The following SECISBP2L variants were observed in gnomAD, a reference collection of about 807,000 sequenced individuals.
SECISBP2L encodes SECIS binding protein 2 like, also known as selenocysteine insertion sequence-binding protein 2-like.
Under a neutral mutation model 114.7 loss-of-function variants are expected in SECISBP2L, and 43 were observed. That is an observed-to-expected ratio of 0.38 (90% confidence interval 0.29 to 0.48). SECISBP2L has a LOEUF of 0.48. Among genes scored for constraint, SECISBP2L ranks in the 20% least tolerant of loss-of-function variants. SECISBP2L has a pLI of 0.98. For missense variants in SECISBP2L, 1,136 were observed against 1,301.1 expected (o/e 0.87, Z 1.95); for synonymous variants, 451 against 439.7 (o/e 1.03, Z -0.32).
In SECISBP2L at chr15:49,027,448, C is replaced by T. The variant is rs750069773; in HGVS notation, c.952G>A (p.Ala318Thr). The T allele has an allele frequency of 4.2e-5, 67 of 1,608,138 alleles. 1 individual carries two copies. The Middle Eastern group carries it at 1.8e-3, about 44-fold the overall frequency. ...TCCATCCAAGGTTTTTTCTGAGTTG[C>T]CTGGCAAGTTACATTGGACCAATTT... ...GVNWSNVTCQ[A>T]TQKKPWMEKN... Residue 318 changes from alanine (A) to threonine (T), a missense_variant, in exon 7 of 18, where the codon GCA (alanine) becomes ACA (threonine). Physicochemically the swap from Ala to Thr is moderately conservative, Grantham distance 58. This residue lies in a region of SECISBP2L where 452 missense variants were observed against 452.3 expected (regional missense o/e 1.00). Transcript: ENST00000559471.
chr15:49,012,596 T>TA (rs1267704594), intron 12 of SECISBP2L, 52 bp downstream of exon 12: 27 of 1,580,870 alleles, frequency 1.7e-5, no homozygotes, highest in Non-Finnish European at 2.3e-5. Context: ...CAAAACAGAT[T>TA]AAAATCCTTA....
intron 14 of SECISBP2L, among the ~76,000 whole-genome samples, chr15:49,007,409 C>A (rs1361237287): frequency 2.0e-5 from 3 of 152,210 alleles, no homozygotes; most frequent in Admixed American, 6.5e-5. Context: ...GCCCCTTCCC[C>A]AAGATGCTCT....
chr15:49,042,580 A>C (rs1351854307), intron 1 of SECISBP2L: 1 of 152,320 alleles, frequency 6.6e-6, no homozygotes, highest in Non-Finnish European at 1.5e-5. Flanking sequence ...GGTAGGGTCA[A>C]GCGATGCCCC....
At chr15:48,993,073 T>C in intron 17 of SECISBP2L, 147 bp from the exon 18 acceptor site, 1 of 678,914 alleles carries the variant, frequency 1.5e-6, no homozygotes, top group Admixed American at 2.9e-5. Flanking sequence ...ATTTAGTTTA[T>C]TTAGTACTAG....
At chr15:49,020,482 G>C (rs1372241223) in intron 7 of SECISBP2L, among the ~76,000 whole-genome samples, 1 of 151,990 alleles carries the variant, frequency 6.6e-6, no homozygotes, top group African/African-American at 2.4e-5. Context: ...AAAGTACTGA[G>C]ATTAAGGCAT....
chr15:49,043,871 T>C (rs1236519232), intron 1 of SECISBP2L, among the ~76,000 whole-genome samples: 2 of 151,904 alleles, frequency 1.3e-5, no homozygotes, highest in African/African-American at 2.4e-5. Flanking sequence ...TCAGCACACA[T>C]ACAATTTACC....
chr15:49,043,208 C>T (rs1163211945), intron 1 of SECISBP2L, among the ~76,000 whole-genome samples: 1 of 152,002 alleles, frequency 6.6e-6, no homozygotes, highest in African/African-American at 2.4e-5. Flanking sequence ...TTTAAAATAA[C>T]TTATTTAGAA....
chr15:49,001,539 C>T lies in SECISBP2L; in HGVS notation c.2028-442G>A, dbSNP rs371364753. 3.3e-5 allele frequency among the ~76,000 whole-genome samples: 5 copies of T among 150,918 alleles called. No homozygotes were observed. The East Asian group carries it at 5.9e-4, about 18-fold the overall frequency. The stretch of plus-strand genomic sequence containing the variant: ...TGCAGGTTTGTTACATAGGTATACA[C>T]GTGTCATGGTGGTTTGCTGCACCCA... On this transcript the variant is annotated intron_variant, in intron 14 of 17. Coordinates refer to ENST00000559471, the MANE Select transcript of SECISBP2L (RefSeq NM_001193489.2).
intron 17 of SECISBP2L, chr15:48,995,805 G>A (rs1031588807): frequency 6.6e-6 from 1 of 152,328 alleles, no homozygotes; most frequent in Non-Finnish European, 1.5e-5. Flanking sequence ...ACTACTTAAG[G>A]CAAACAGCAT....
intron 17 of SECISBP2L, among the ~76,000 whole-genome samples, chr15:48,993,707 T>A (rs1902035868): frequency 6.9e-6 from 1 of 145,080 alleles, no homozygotes; most frequent in African/African-American, 2.7e-5. Flanking sequence ...ATATATAGCT[T>A]GGCTTACAAA....
At chr15:49,023,028 A>AG (rs1902671787) in intron 7 of SECISBP2L, among the ~76,000 whole-genome samples, 1 of 38,098 alleles carries the variant, frequency 2.6e-5, no homozygotes. Context: ...AGAAGCCATC[A>AG]AAAAAAAAAG....
chr15:49,024,496 CAA>C (rs72031518), intron 7 of SECISBP2L, among the ~76,000 whole-genome samples: 38 of 82,730 alleles, frequency 4.6e-4, no homozygotes, highest in East Asian at 1.1e-3. Flanking sequence ...GACTCTGTCT[CAA>C]AAAAAAAAAA....
chr15:49,028,780 C>T (rs1166850644), intron 4 of SECISBP2L, 98 bp from the exon 5 acceptor site: 1 of 1,014,644 alleles, frequency 9.9e-7, no homozygotes, highest in Non-Finnish European at 1.5e-6. Context: ...AGATACCAAA[C>T]TTCATAAATG....
At chr15:49,046,122 T>C (rs1903243522) in intron 1 of SECISBP2L, among the ~76,000 whole-genome samples, 154 bp downstream of exon 1, 1 of 152,008 alleles carries the variant, frequency 6.6e-6, no homozygotes, top group Non-Finnish European at 1.5e-5. Flanking sequence ...GCTGGAACAA[T>C]GAAGGAGAGC....
chr15:49,041,643 A>C (rs1297473219), intron 1 of SECISBP2L, among the ~76,000 whole-genome samples: 1 of 152,210 alleles, frequency 6.6e-6, no homozygotes, highest in African/African-American at 2.4e-5. Flanking sequence ...TTAAGCAATA[A>C]AAAACTGACA....
intron 3 of SECISBP2L, 75 bp downstream of exon 3, chr15:49,035,259 C>A (rs569123760): frequency 1.5e-6 from 2 of 1,345,200 alleles, no homozygotes; most frequent in South Asian, 2.8e-5. Flanking sequence ...AATGGTCAAT[C>A]AACCCAAGTA....
Position 49,016,908 on chromosome 15 carries a change from T to C in SECISBP2L, c.1359A>G (p.Ala453=), listed in dbSNP as rs762618513. The stretch of plus-strand genomic sequence containing the variant: ...ACTCTTGAGCTGTGGCAAGGGCTGC[T>C]GCTAAAGCTTTCTTCTTCTGACTTT... ...RAKSQKKKAL[A]AALATAQEYS... The change falls in exon 10 of 18, where the codon GCA becomes GCG. Residue 453 remains alanine, a synonymous_variant. Transcript: ENST00000559471. 1.9e-6 allele frequency: 3 copies of C among 1,614,142 alleles called. No homozygotes were observed. Among genetic ancestry groups the C allele is most frequent in the South Asian group, 1.1e-5 (1 of 91,086 alleles).
chr15:49,019,584 A>G (rs1902602067), intron 7 of SECISBP2L, 32 bp from the exon 8 acceptor site: 2 of 1,417,500 alleles, frequency 1.4e-6, no homozygotes, highest in Non-Finnish European at 9.1e-7. Context: ...AAAAAAATCT[A>G]ATTATTTTTA....
At chr15:49,025,445 A>T (rs180818178) in intron 7 of SECISBP2L, among the ~76,000 whole-genome samples, 1 of 152,346 alleles carries the variant, frequency 6.6e-6, no homozygotes, top group East Asian at 1.9e-4. Context: ...TTATGCACAT[A>T]GCCGGAAGGT....
Sources: gnomAD v4.1 joint callset for allele counts (sites outside exome capture counted in the v4.1 genomes callset) on GRCh38, gnomAD v4.1.1 for gene constraint, gnomAD v4.1.1 regional missense constraint, MANE v1.5 for transcripts, NCBI Gene and HGNC (gene_info 2026-07-23, HGNC 2026-07-21) for gene names.